KCNH7: variants seen among roughly 807,000 people sequenced by gnomAD.
KCNH7 encodes the protein voltage-gated inwardly rectifying potassium channel KCNH7.
KCNH7 carries 49 observed loss-of-function variants against 120.8 expected under a neutral mutation model. The ratio of observed to expected loss-of-function variants is 0.41; its 90% CI spans 0.32 to 0.51. The LOEUF (loss-of-function observed/expected upper bound fraction) is 0.51, where lower values mean the gene tolerates loss of function less well. Among genes scored for constraint, KCNH7 ranks in the 20% least tolerant of loss-of-function variants. KCNH7 has a pLI of 0.38. For synonymous variants in KCNH7, 547 were observed against 516.1 expected, an observed-to-expected ratio of 1.06 and a Z score of -0.81; for missense variants, 1,097 against 1,446.6, an observed-to-expected ratio of 0.76 and a Z score of 3.92.
At chr2:162,752,744 C>A (rs772720243) in intron 2 of KCNH7, among the ~76,000 whole-genome samples, 1 of 150,856 alleles carries the variant, frequency 6.6e-6, no homozygotes, top group Non-Finnish European at 1.5e-5. Flanking sequence ...ACTAAAATGA[C>A]AAAAATTAGC....
chr2:162,496,969 C>A (rs1294064406), intron 6 of KCNH7: 1 of 152,092 alleles, frequency 6.6e-6, no homozygotes, highest in Non-Finnish European at 1.5e-5. Context: ...TACATGTGAT[C>A]TCATCTGATC....
chr2:162,607,997 G>A (rs1274312955), intron 2 of KCNH7, among the ~76,000 whole-genome samples: 1 of 152,138 alleles, frequency 6.6e-6, no homozygotes, highest in Non-Finnish European at 1.5e-5. Flanking sequence ...TATTCTTTTA[G>A]ATGTTTCTAG....
chr2:162,421,553 C>T (rs561035330), intron 9 of KCNH7, among the ~76,000 whole-genome samples: 1 of 152,236 alleles, frequency 6.6e-6, no homozygotes, highest in Admixed American at 6.5e-5. Flanking sequence ...AGCTCTAAAC[C>T]TGACAGATAA....
At chr2:162,661,583 G>GT (rs1684960024) in intron 2 of KCNH7, among the ~76,000 whole-genome samples, 1 of 152,062 alleles carries the variant, frequency 6.6e-6, no homozygotes, top group African/African-American at 2.4e-5. Context: ...TCCAAATGAG[G>GT]TGTGTCAGTT....
chr2:162,512,497 T>C (rs555601616), intron 5 of KCNH7, among the ~76,000 whole-genome samples, 157 bp downstream of exon 5: 2 of 151,868 alleles, frequency 1.3e-5, no homozygotes, highest in African/African-American at 2.4e-5. Flanking sequence ...ACAATGTCTG[T>C]AGCAAAATCA....
chr2:162,460,537 T>C (rs1037590015), intron 6 of KCNH7, among the ~76,000 whole-genome samples: 15 of 152,144 alleles, frequency 9.9e-5, no homozygotes, highest in Admixed American at 2.0e-4. Context: ...CCAGGAAGAA[T>C]GCTTTGTGAT....
At chr2:162,408,781 C>T (rs745685396) in intron 9 of KCNH7, among the ~76,000 whole-genome samples, 3 of 151,614 alleles carry the variant, frequency 2.0e-5, no homozygotes, top group Non-Finnish European at 4.4e-5. Flanking sequence ...TTTATAGTCA[C>T]TAAACTCTGA....
At chr2:162,610,470 A>G (rs1682929994) in intron 2 of KCNH7, among the ~76,000 whole-genome samples, 1 of 152,250 alleles carries the variant, frequency 6.6e-6, no homozygotes, top group African/African-American at 2.4e-5. Context: ...ATTGAGCCAG[A>G]AAATAAAAGT....
intron 2 of KCNH7, among the ~76,000 whole-genome samples, chr2:162,787,919 G>T (rs1683772345): frequency 6.6e-6 from 1 of 152,210 alleles, no homozygotes; most frequent in South Asian, 2.1e-4. Context: ...GACTCCAGCA[G>T]CAAGGTTATC....
intron 2 of KCNH7, among the ~76,000 whole-genome samples, chr2:162,798,799 T>C (rs1338435714): frequency 6.6e-6 from 1 of 151,996 alleles, no homozygotes. Flanking sequence ...TTACACTAAT[T>C]TTTTTCCTTA....
chr2:162,759,762 G>T (rs1483459786), intron 2 of KCNH7, among the ~76,000 whole-genome samples: 1 of 151,840 alleles, frequency 6.6e-6, no homozygotes, highest in Non-Finnish European at 1.5e-5. Context: ...AATATCCAGA[G>T]AACAAAAGCT....
intron 2 of KCNH7, among the ~76,000 whole-genome samples, chr2:162,826,359 G>T (rs1044827563): frequency 6.6e-6 from 1 of 152,074 alleles, no homozygotes; most frequent in Non-Finnish European, 1.5e-5. Context: ...TATTGAACTT[G>T]TGGATGTTCC....
intron 7 of KCNH7, among the ~76,000 whole-genome samples, chr2:162,439,959 A>C (rs1346459305): frequency 6.6e-6 from 1 of 151,824 alleles, no homozygotes; most frequent in East Asian, 1.9e-4. Flanking sequence ...TTCTCTCTTC[A>C]TGCCAGTGGA....
chr2:162,771,879 C>T (rs1683067155), intron 2 of KCNH7: 1 of 152,104 alleles, frequency 6.6e-6, no homozygotes, highest in African/African-American at 2.4e-5. Flanking sequence ...ATAGTATTTG[C>T]TCTTAAAAAG....
intron 6 of KCNH7, 76 bp downstream of exon 6, chr2:162,504,367 A>C: frequency 9.0e-7 from 1 of 1,106,796 alleles, no homozygotes; most frequent in Non-Finnish European, 1.4e-6. Context: ...AGTCATTTAT[A>C]AGAAAAAGAA....
At chr2:162,622,031 T>C (rs1426606338) in intron 2 of KCNH7, among the ~76,000 whole-genome samples, 1 of 152,246 alleles carries the variant, frequency 6.6e-6, no homozygotes, top group Non-Finnish European at 1.5e-5. Flanking sequence ...TATAGTTTGC[T>C]ATTCTATTTC....
At chr2:162,628,766 C>A (rs1232403762) in intron 2 of KCNH7, among the ~76,000 whole-genome samples, 1 of 152,008 alleles carries the variant, frequency 6.6e-6, no homozygotes, top group Non-Finnish European at 1.5e-5. Flanking sequence ...TATGTCCCTG[C>A]AAAGTACAAG....
At chr2:162,430,793 T>A (rs1435361506) in intron 8 of KCNH7, among the ~76,000 whole-genome samples, 1 of 152,000 alleles carries the variant, frequency 6.6e-6, no homozygotes, top group Non-Finnish European at 1.5e-5. Context: ...CCAATCAAGA[T>A]GCTTGTCAAG....
At chr2:162,411,935 G>A (rs903013835) in intron 9 of KCNH7, among the ~76,000 whole-genome samples, 11 of 151,714 alleles carry the variant, frequency 7.3e-5, no homozygotes, top group African/African-American at 2.7e-4. Context: ...ATCCTCAAGA[G>A]GACCACCTAC....
Sources: allele counts gnomAD v4.1 joint callset (sites outside exome capture counted in the v4.1 genomes callset), GRCh38; gene constraint gnomAD v4.1.1; transcripts MANE v1.5; gene names NCBI Gene and HGNC (gene_info 2026-07-23, HGNC 2026-07-21).